CNTNAP2: variants seen among roughly 807,000 people sequenced by gnomAD.
CNTNAP2 encodes contactin-associated protein-like 2.
Under a neutral mutation model 155.2 loss-of-function variants are expected in CNTNAP2, and 98 were observed. That is an observed-to-expected ratio of 0.63 (90% CI 0.54 to 0.75). The LOEUF is 0.75. Ranked by LOEUF, CNTNAP2 falls within the 30% of genes least tolerant of loss-of-function variation. The pLI is 0.00. For synonymous variants in CNTNAP2, 651 were observed against 631.2 expected (o/e 1.03, Z -0.47); for missense variants, 1,727 against 1,688.1 (o/e 1.02, Z -0.40).
chr7:146,408,031 C>A (rs1303081418), intron 1 of CNTNAP2, among the ~76,000 whole-genome samples: 1 of 152,090 alleles, frequency 6.6e-6, no homozygotes, highest in Admixed American at 6.6e-5. Flanking sequence ...TTCTGACCAA[C>A]AGTAGGCTAT....
chr7:148,076,584 C>T (rs148436128), intron 15 of CNTNAP2, among the ~76,000 whole-genome samples: 3,598 of 151,558 alleles, frequency 0.024, 71 homozygotes, highest in Non-Finnish European at 0.036. Context: ...TACAGGAGCC[C>T]GCCACCATGC....
intron 18 of CNTNAP2, among the ~76,000 whole-genome samples, chr7:148,201,022 C>A (rs955321679): frequency 6.6e-6 from 1 of 152,164 alleles, no homozygotes; most frequent in Non-Finnish European, 1.5e-5. Flanking sequence ...TGCCTCAAGT[C>A]CTTGCACCAA....
intron 1 of CNTNAP2, among the ~76,000 whole-genome samples, chr7:146,582,263 A>G (rs933968095): frequency 1.3e-5 from 2 of 152,146 alleles, no homozygotes; most frequent in African/African-American, 2.4e-5. Flanking sequence ...TGTCGTTTGC[A>G]TGCATATAGA....
intron 1 of CNTNAP2, among the ~76,000 whole-genome samples, chr7:146,398,132 A>G (rs1795659469): frequency 6.6e-6 from 1 of 150,610 alleles, no homozygotes; most frequent in Admixed American, 6.6e-5. Context: ...TTAGCCTTCC[A>G]AAGTGCAGAG....
chr7:146,486,753 G>A (rs1435722437), intron 1 of CNTNAP2, among the ~76,000 whole-genome samples: 1 of 152,192 alleles, frequency 6.6e-6, no homozygotes, highest in Non-Finnish European at 1.5e-5. Flanking sequence ...ATTCTTTTGG[G>A]AGAGCCAAGA....
chr7:148,410,869 G>T (rs1418824846), intron 23 of CNTNAP2, among the ~76,000 whole-genome samples: 2 of 152,098 alleles, frequency 1.3e-5, no homozygotes, highest in Non-Finnish European at 2.9e-5. Context: ...CAAGTTCCGG[G>T]TTTGCTAGCA....
intron 9 of CNTNAP2, among the ~76,000 whole-genome samples, chr7:147,333,622 C>A (rs1481170001): frequency 6.6e-6 from 1 of 151,942 alleles, no homozygotes; most frequent in African/African-American, 2.4e-5. Flanking sequence ...ATATAATTGA[C>A]CTAGAAATAA....
intron 3 of CNTNAP2, among the ~76,000 whole-genome samples, chr7:146,994,567 A>G (rs1418068302): frequency 2.0e-5 from 3 of 152,138 alleles, no homozygotes; most frequent in Non-Finnish European, 2.9e-5. Context: ...ACTCACATAA[A>G]GCAATTTGGG....
chr7:146,437,710 A>G (rs1796263118), intron 1 of CNTNAP2, among the ~76,000 whole-genome samples: 1 of 151,626 alleles, frequency 6.6e-6, no homozygotes, highest in African/African-American at 2.4e-5. Context: ...TTCTCCTTAG[A>G]TGCTGGGATA....
intron 1 of CNTNAP2, among the ~76,000 whole-genome samples, chr7:146,733,494 A>G (rs901620485): frequency 3.9e-5 from 6 of 152,134 alleles, no homozygotes; most frequent in Non-Finnish European, 8.8e-5. Context: ...GTTTTAAAAA[A>G]TCTAACTTTA....
At chr7:147,262,206 A>G (rs1187935045) in intron 8 of CNTNAP2, among the ~76,000 whole-genome samples, 2 of 152,212 alleles carry the variant, frequency 1.3e-5, no homozygotes, top group African/African-American at 2.4e-5. Context: ...TTTACAACAC[A>G]CTTTGAAACG....
intron 1 of CNTNAP2, among the ~76,000 whole-genome samples, chr7:146,505,470 T>C (rs899247590): frequency 3.3e-5 from 5 of 152,240 alleles, no homozygotes; most frequent in Non-Finnish European, 7.3e-5. Context: ...CCATGGTTCC[T>C]TTGGGTCTAT....
intron 16 of CNTNAP2, among the ~76,000 whole-genome samples, chr7:148,141,345 T>C (rs1805068691): frequency 6.6e-6 from 1 of 152,254 alleles, no homozygotes; most frequent in Non-Finnish European, 1.5e-5. Context: ...GCTACATTTG[T>C]TTTAAACAGA....
At chr7:148,324,934 G>T (rs1253630766) in intron 21 of CNTNAP2, among the ~76,000 whole-genome samples, 1 of 152,172 alleles carries the variant, frequency 6.6e-6, no homozygotes, top group Non-Finnish European at 1.5e-5. Context: ...CTGTTGAGAA[G>T]CCATACCCAT....
At chr7:146,281,454 G>A (rs991135061) in intron 1 of CNTNAP2, among the ~76,000 whole-genome samples, 4 of 152,072 alleles carry the variant, frequency 2.6e-5, no homozygotes, top group African/African-American at 9.7e-5. Context: ...ACTCTGATTC[G>A]TACCTCAGTC....
At chr7:147,058,460 C>T (rs1261186159) in intron 4 of CNTNAP2, among the ~76,000 whole-genome samples, 2 of 152,088 alleles carry the variant, frequency 1.3e-5, no homozygotes, top group African/African-American at 4.8e-5. Flanking sequence ...TGTTTTCACG[C>T]ACTCTATTCA....
intron 1 of CNTNAP2, among the ~76,000 whole-genome samples, chr7:146,322,634 C>CTTTTTTTTTTTTTTTTTTTT (rs56287346): frequency 3.2e-4 from 21 of 64,950 alleles, no homozygotes; most frequent in East Asian, 1.9e-3. Flanking sequence ...TGTTCATTCT[C>CTTTTTTTTTTTTTTTTTTTT]TTTTTTTTTT....
rs115983558 is a variant in CNTNAP2 at position 146,249,560 on chromosome 7, T to G, written c.97+132587T>G. 7.5e-3 allele frequency among the ~76,000 whole-genome samples: 1,142 copies of G among 152,308 alleles called. 16 individuals carry two copies. The highest frequency in any genetic ancestry group is 0.025 in the African/African-American group (1,044 of 41,574). Reference sequence around the variant, plus strand: ...TGCAAGTCTCTGCTAATTACTCCTATGCCACTTTCAGCACAAATATCACTT... The same window carrying G: ...TGCAAGTCTCTGCTAATTACTCCTAGGCCACTTTCAGCACAAATATCACTT... On this transcript the variant is annotated intron_variant, in intron 1 of 23. Coordinates refer to ENST00000361727, the MANE Select transcript of CNTNAP2 (RefSeq NM_014141.6).
In CNTNAP2 at chr7:148,404,495, T is replaced by C. The variant is rs532441070; in HGVS notation, c.3716-4896T>C. ...GTTCCCTAGACCCCTTCACTGGACT[T>C]GCAACAGGGTACAGCTCACTCAAAC... On this transcript the variant is annotated intron_variant, in intron 22 of 23. Transcript: ENST00000361727. Among the ~76,000 whole-genome samples the C allele has an allele frequency of 7.8e-3, 805 of 103,664 alleles. 7 individuals are homozygous for C. Among genetic ancestry groups the C allele is most frequent in the African/African-American group, 0.029 (739 of 25,500 alleles). The allele number at this position is 103,664 out of a possible 152,430, so 68.0% of individuals were successfully genotyped here.
Sources: allele counts gnomAD v4.1 joint callset (sites outside exome capture counted in the v4.1 genomes callset), GRCh38; gene constraint gnomAD v4.1.1; transcripts MANE v1.5; gene names NCBI Gene and HGNC (gene_info 2026-07-23, HGNC 2026-07-21).